Variants in TMEM47 observed in about 807,000 individuals in gnomAD.
The protein encoded by TMEM47 is transmembrane protein 47.
In TMEM47, 3 loss-of-function variants were observed where a neutral mutation model predicts 12.4. That is an observed-to-expected ratio of 0.24 (90% CI 0.11 to 0.63). The LOEUF is 0.63. Among genes scored for constraint, TMEM47 ranks in the 20% least tolerant of loss-of-function variants. The pLI, the probability that TMEM47 is intolerant of heterozygous loss-of-function variation, is 0.86. For missense variants in TMEM47, 89 were observed against 143.8 expected, an observed-to-expected ratio of 0.62 and a Z score of 1.95; for synonymous variants, 62 against 63.3, an observed-to-expected ratio of 0.98 and a Z score of 0.10.
Position 34,639,285 on chromosome X carries a change from C to T in TMEM47, c.329G>A (p.Arg110His), listed in dbSNP as rs763483683. Residue 110 changes from arginine to histidine, a missense_variant, in exon 2 of 3, where the codon CGT becomes CAT. Transcript: ENST00000275954. ...CATGACCGCAACAGGTCTATAGAAACGCCTTCGAGATCCCACGCAGATAGA... is the reference window on the plus strand; with the variant it reads ...CATGACCGCAACAGGTCTATAGAAATGCCTTCGAGATCCCACGCAGATAGA... ...LISICVGSRRRFYRPVAVMLF... is the reference protein window; with the variant it reads ...LISICVGSRRHFYRPVAVMLF... 5.8e-6 allele frequency: 7 copies of T among 1,199,059 alleles called. No homozygotes were observed. The highest frequency in any genetic ancestry group is 4.5e-5 in the Admixed American group (2 of 44,530).
Position 34,628,187 on chromosome X carries a change from T to C in TMEM47, c.*2126A>G, listed in dbSNP as rs1921543437. The C allele has an allele frequency of 8.9e-6, 1 of 111,786 alleles. No individual in the cohort carries two copies. Among genetic ancestry groups the C allele is most frequent in the African/African-American group, 3.3e-5 (1 of 30,681 alleles). The allele number at this position is 111,786 out of a possible 1,213,427, so 9.2% of individuals were successfully genotyped here. ...CAGCACCAAAGTACTATTCTTTCAT[T>C]ATTCAGGAATAAAGAGATCTCAGAA... On this transcript the variant is annotated 3_prime_UTR_variant, in exon 3 of 3. Transcript: ENST00000275954.
chrX:34,653,151 AC>A (rs1486300303), intron 1 of TMEM47, among the ~76,000 whole-genome samples: 1 of 111,503 alleles, frequency 9.0e-6, no homozygotes, highest in East Asian at 2.8e-4. Flanking sequence ...AGCTTTTTAT[AC>A]TAAAGTTAAA....
chrX:34,642,577 C>T (rs1000233202), intron 1 of TMEM47, among the ~76,000 whole-genome samples: 2 of 111,705 alleles, frequency 1.8e-5, no homozygotes, highest in African/African-American at 6.5e-5. Flanking sequence ...TCTGGATTTT[C>T]TTCTAAATGT....
Position 34,627,874 on chromosome X carries a change from A to G in TMEM47, c.*2439T>C, listed in dbSNP as rs1487417795. 1.8e-5 allele frequency: 2 copies of G among 112,320 alleles called. No individual in the cohort carries two copies. The highest frequency in any genetic ancestry group is 6.5e-5 in the African/African-American group (2 of 30,892). The allele number at this position is 112,320 out of a possible 1,213,427, so 9.3% of individuals were successfully genotyped here. On this transcript the variant is annotated 3_prime_UTR_variant, in exon 3 of 3. Transcript: ENST00000275954. Reference sequence around the variant, plus strand: ...AAAATTGTATTTTAGATGAGAAGCAACAATTTTCATGTTGTACTGAGATTG... The same window carrying G: ...AAAATTGTATTTTAGATGAGAAGCAGCAATTTTCATGTTGTACTGAGATTG...
rs1027282589 is a variant in TMEM47 at position 34,628,350 on chromosome X, T to C, written c.*1963A>G. 27 of 111,955 alleles carry C rather than the reference T, an allele frequency of 2.4e-4. No individual in the cohort carries two copies. Among genetic ancestry groups the C allele is most frequent in the African/African-American group, 8.8e-4 (27 of 30,823 alleles). 9.2% of individuals were successfully genotyped at this position (111,955 alleles called of 1,213,427 possible). ...AAAATTGCTTCAAAAGACTCTATAATACTATCTTTCTGGAGAATTTCCACT... is the reference window on the plus strand; with the variant it reads ...AAAATTGCTTCAAAAGACTCTATAACACTATCTTTCTGGAGAATTTCCACT... On this transcript the variant is annotated 3_prime_UTR_variant, in exon 3 of 3. Transcript: ENST00000275954.
At position 34,639,395 on chromosome X, in the gene TMEM47, GAA is replaced by G; in HGVS notation, c.227-10_227-9del. 1 of 1,201,230 alleles carries G rather than the reference GAA, an allele frequency of 8.3e-7. No individual in the cohort carries two copies. The highest frequency in any genetic ancestry group is 1.1e-6 in the Non-Finnish European group (1 of 890,429). On this transcript the variant is annotated splice_polypyrimidine_tract_variant and intron_variant, in intron 1 of 2. Transcript: ENST00000275954. Reference sequence around the variant, plus strand: ...GAGTAGCAATCTGCCAATCTGGAAAGAAAAAAGAAATTGTTTTTGAGTAGTAA... The same window carrying G: ...GAGTAGCAATCTGCCAATCTGGAAAGAAAAGAAATTGTTTTTGAGTAGTAA...
chrX:34,643,349 C>T lies in TMEM47; in HGVS notation c.227-3962G>A, dbSNP rs7056411. ...CAAGAACATATACATAAGACTTGGA[C>T]AATTTTATAGTAATATTATAAGAGA... On this transcript the variant is annotated intron_variant, in intron 1 of 2. Coordinates refer to ENST00000275954, the MANE Select transcript of TMEM47 (RefSeq NM_031442.4). 5.4e-3 allele frequency among the ~76,000 whole-genome samples: 603 copies of T among 110,827 alleles called. 4 individuals carry two copies. The highest frequency in any genetic ancestry group is 0.019 in the African/African-American group (584 of 30,503).
At position 34,635,787 on chromosome X, in the gene TMEM47, G is replaced by A. The variant is rs372351853; in HGVS notation, c.367+3460C>T. On this transcript the variant is annotated intron_variant, in intron 2 of 2. Transcript: ENST00000275954. ...TGGGGAATGAGACGTTCCATTTAGG[G>A]AAAAGTTGTGGCCTCGACTAAGGCA... Among the ~76,000 whole-genome samples, 28 of 110,620 alleles carry A rather than the reference G, an allele frequency of 2.5e-4. No individual in the cohort carries two copies. The East Asian group carries it at 6.7e-3, about 27-fold the overall frequency.
At chrX:34,655,980 G>A (rs1277201190) in intron 1 of TMEM47, among the ~76,000 whole-genome samples, 1 of 111,522 alleles carries the variant, frequency 9.0e-6, no homozygotes, top group Admixed American at 9.5e-5. Flanking sequence ...GTCAGGGAGG[G>A]CGGAAAGCAG....
chrX:34,643,422 C>T (rs988045977), intron 1 of TMEM47, among the ~76,000 whole-genome samples: 1 of 111,097 alleles, frequency 9.0e-6, no homozygotes, highest in African/African-American at 3.3e-5. Flanking sequence ...GATTTGCATG[C>T]CACAAATACC....
chrX:34,640,778 T>C (rs1474312253), intron 1 of TMEM47, among the ~76,000 whole-genome samples: 1 of 111,487 alleles, frequency 9.0e-6, no homozygotes, highest in African/African-American at 3.3e-5. Context: ...CTTTTATTTA[T>C]ATTTGTACAT....
chrX:34,635,797 G>GCTTGT (rs1921705321), intron 2 of TMEM47, among the ~76,000 whole-genome samples: 1 of 108,772 alleles, frequency 9.2e-6, no homozygotes, highest in Non-Finnish European at 1.9e-5. Flanking sequence ...GAAAAGTTGT[G>GCTTGT]GCCTCGACTA....
chrX:34,646,919 T>G (rs1445401063), intron 1 of TMEM47, among the ~76,000 whole-genome samples: 2 of 111,623 alleles, frequency 1.8e-5, no homozygotes, highest in Non-Finnish European at 3.8e-5. Flanking sequence ...TTTGCACATT[T>G]ATTTAATTAT....
intron 1 of TMEM47, among the ~76,000 whole-genome samples, chrX:34,641,462 C>T: frequency 9.0e-6 from 1 of 111,483 alleles, no homozygotes. Flanking sequence ...TCATTTAAAT[C>T]AAAATGTAAC....
intron 1 of TMEM47, among the ~76,000 whole-genome samples, chrX:34,639,752 T>C (rs1921781750): frequency 9.0e-6 from 1 of 111,474 alleles, no homozygotes; most frequent in East Asian, 2.8e-4. Flanking sequence ...AGTAGAGAAG[T>C]TGATGAATTC....
At chrX:34,651,419 G>A (rs913398275) in intron 1 of TMEM47, among the ~76,000 whole-genome samples, 1 of 111,981 alleles carries the variant, frequency 8.9e-6, no homozygotes, top group African/African-American at 3.2e-5. Flanking sequence ...ACCTGTGAGC[G>A]AAATCATTTG....
At chrX:34,653,910 CAT>C (rs1922060157) in intron 1 of TMEM47, among the ~76,000 whole-genome samples, 1 of 110,521 alleles carries the variant, frequency 9.0e-6, no homozygotes, top group Non-Finnish European at 1.9e-5. Flanking sequence ...GCCGCTTTCT[CAT>C]ATGTCTTTCT....
chrX:34,628,634 A>G lies in TMEM47; in HGVS notation c.*1679T>C, dbSNP rs1330344456. On this transcript the variant is annotated 3_prime_UTR_variant, in exon 3 of 3. Transcript: ENST00000275954. ...TGTGTTTTGGGAGGTAAAACAAATT[A>G]TTAAATACTATCGATGTGGTCCTGC... The G allele has an allele frequency of 9.1e-6, 1 of 110,403 alleles. No individual in the cohort carries two copies. Among genetic ancestry groups the G allele is most frequent in the Non-Finnish European group, 1.9e-5 (1 of 52,766 alleles). The allele number at this position is 110,403 out of a possible 1,213,427, so 9.1% of individuals were successfully genotyped here.
chrX:34,650,061 A>T (rs1921988652), intron 1 of TMEM47, among the ~76,000 whole-genome samples: 1 of 112,334 alleles, frequency 8.9e-6, no homozygotes, highest in Non-Finnish European at 1.9e-5. Context: ...ATCATGGAGA[A>T]ACTTAAAGTA....
Sources: gnomAD v4.1 joint callset for allele counts (sites outside exome capture counted in the v4.1 genomes callset) on GRCh38, gnomAD v4.1.1 for gene constraint, MANE v1.5 for transcripts, NCBI Gene and HGNC (gene_info 2026-07-23, HGNC 2026-07-21) for gene names.